Variants in PRMT8 observed in about 807,000 individuals in gnomAD.
PRMT8 encodes the protein protein arginine methyltransferase 8, also known as protein arginine N-methyltransferase 8.
A neutral mutation model predicts 47.1 loss-of-function variants in PRMT8; 7 were observed. The ratio of observed to expected loss-of-function variants is 0.15; its 90% confidence interval spans 0.08 to 0.28. The LOEUF is 0.28. Ranked by LOEUF, PRMT8 falls within the 10% of genes least tolerant of loss-of-function variation. The pLI, the probability that PRMT8 is intolerant of heterozygous loss-of-function variation, is 1.00. For missense variants in PRMT8, 237 were observed against 505.4 expected (o/e 0.47, Z 5.09); for synonymous variants, 188 against 186.5 (o/e 1.01, Z -0.07).
chr12:3,517,759 T>C (rs1283546670), intron 1 of PRMT8, among the ~76,000 whole-genome samples: 1 of 151,542 alleles, frequency 6.6e-6, no homozygotes, highest in Non-Finnish European at 1.5e-5. Context: ...CTTCTAACAT[T>C]CTCCCAGATA....
intron 1 of PRMT8, among the ~76,000 whole-genome samples, chr12:3,386,914 T>C (rs1300525982): frequency 6.6e-6 from 1 of 151,986 alleles, no homozygotes; most frequent in African/African-American, 2.4e-5. Context: ...TTCACCATGT[T>C]GGTCAGGCTG....
At chr12:3,533,694 G>A (rs1866071534) in intron 1 of PRMT8, among the ~76,000 whole-genome samples, 1 of 152,218 alleles carries the variant, frequency 6.6e-6, no homozygotes, top group East Asian at 1.9e-4. Flanking sequence ...TAAGACAGGG[G>A]TGCAGGAGAG....
At chr12:3,452,490 G>C (rs920839646) in intron 1 of PRMT8, among the ~76,000 whole-genome samples, 1 of 152,060 alleles carries the variant, frequency 6.6e-6, no homozygotes, top group Non-Finnish European at 1.5e-5. Flanking sequence ...TGTCCTAAGC[G>C]GTCTCCTCGG....
At chr12:3,475,867 G>A (rs1380877012) in intron 1 of PRMT8, among the ~76,000 whole-genome samples, 2 of 152,214 alleles carry the variant, frequency 1.3e-5, no homozygotes, top group Non-Finnish European at 2.9e-5. Flanking sequence ...CATCCTGTGG[G>A]TGTATGATGT....
intron 1 of PRMT8, among the ~76,000 whole-genome samples, chr12:3,482,153 A>G (rs1865280834): frequency 1.3e-5 from 2 of 152,234 alleles, no homozygotes. Flanking sequence ...TTTATGGGCC[A>G]GGAGGAAAAG....
At chr12:3,381,466 TCTTTC>T (rs1322146001) in intron 1 of PRMT8, 1 of 1,535,192 alleles carries the variant, frequency 6.5e-7, no homozygotes, top group East Asian at 2.4e-5. Context: ...TATGGTAATT[TCTTTC>T]CTTTCTTCTT....
rs77750317 is a variant in PRMT8 at position 3,440,688 on chromosome 12, T to C, written c.48+59246T>C. ...CTGCCAATGCTCCATTACATTGTAT[T>C]ATTTAGTTTGAACCAAAGAAACTCT... On this transcript the variant is annotated intron_variant, in intron 1 of 9. Coordinates refer to the PRMT8 transcript ENST00000452611. Among the ~76,000 whole-genome samples the C allele has an allele frequency of 7.5e-3, 1,144 of 152,274 alleles. 20 individuals carry two copies. The highest frequency in any genetic ancestry group is 0.026 in the African/African-American group (1,098 of 41,534).
rs540325076 is a variant in PRMT8, at chr12:3,475,737, C to T, written c.49-64869C>T. 1.8e-4 allele frequency among the ~76,000 whole-genome samples: 21 copies of T among 115,368 alleles called. No homozygotes were observed. The East Asian group carries it at 5.1e-3, about 28-fold the overall frequency. The allele number at this position is 115,368 out of a possible 152,430, so 75.7% of individuals were successfully genotyped here. On this transcript the variant is annotated intron_variant, in intron 1 of 9. Transcript: ENST00000452611. ...CTGAGCAGGGCCTCCCTTCCAGTACCGTGGGGTGTGGAGGGGGAGGGTTGG... is the reference window on the plus strand; with the variant it reads ...CTGAGCAGGGCCTCCCTTCCAGTACTGTGGGGTGTGGAGGGGGAGGGTTGG...
chr12:3,580,331 CGT>C lies in PRMT8; in HGVS notation c.829-2723_829-2722del, dbSNP rs1422830381. ...TGGAATTCCTGCCAGATGGGGGGTG[CGT>C]GTGCGTGTGTGTGTGTGTGTGTGTG... On this transcript the variant is annotated intron_variant, in intron 7 of 9. Transcript: ENST00000382622. This position sits in a 1 kb window ranked among gnomAD's most constrained non-coding sequence, Gnocchi z 4.6. Among the ~76,000 whole-genome samples, 1 of 110,168 alleles carries C rather than the reference CGT, an allele frequency of 9.1e-6. No individual in the cohort carries two copies. Among genetic ancestry groups the C allele is most frequent in the South Asian group, 2.6e-4 (1 of 3,862 alleles). The allele number at this position is 110,168 out of a possible 152,430, so 72.3% of individuals were successfully genotyped here. A position where few individuals can be genotyped will look rare whatever the true frequency, so the allele number is the denominator to read the frequency against.
At chr12:3,394,943 A>G (rs1360632287) in intron 1 of PRMT8, among the ~76,000 whole-genome samples, 4 of 151,420 alleles carry the variant, frequency 2.6e-5, no homozygotes, top group Admixed American at 6.6e-5. Flanking sequence ...GTCTTGGGAG[A>G]GTGTATGTGT....
At position 3,574,349 on chromosome 12, in the gene PRMT8, A is replaced by G. The variant is rs1866902080; in HGVS notation, c.713-2522A>G. ...CAAATGGTTGGAATTGTCTGTATAG[A>G]TTTGTAAAACTCCAGCTCCCTGGCT... is the stretch of plus-strand genomic sequence containing the variant. On this transcript the variant is annotated intron_variant, in intron 6 of 9. Transcript: ENST00000382622. Among the ~76,000 whole-genome samples the G allele has an allele frequency of 2.0e-5, 3 of 152,370 alleles. No individual in the cohort carries two copies. In the South Asian group the frequency reaches 6.2e-4, roughly 32 times the overall value.
rs138221845 is a variant in PRMT8 at position 3,588,974 on chromosome 12, G to A, written c.980-3257G>A. ...TTCCTGAGCGCCCACCCTTGTGCAC[G>A]GTGACATTCTGGATGTTTTCCAAGA... On this transcript the variant is annotated intron_variant, in intron 8 of 9. Coordinates refer to ENST00000382622, the MANE Select transcript of PRMT8 (RefSeq NM_019854.5). Among the ~76,000 whole-genome samples, 4 of 152,288 alleles carry A rather than the reference G, an allele frequency of 2.6e-5. No homozygotes were observed. In the East Asian group the frequency reaches 7.7e-4, roughly 29 times the overall value.
rs898728301 is a variant in PRMT8 at position 3,583,860 on chromosome 12, C to T, written c.979+652C>T. On this transcript the variant is annotated intron_variant, in intron 8 of 9. Coordinates refer to ENST00000382622, the MANE Select transcript of PRMT8 (RefSeq NM_019854.5). The surrounding 1 kb of genome is among the most constrained non-coding windows in gnomAD (Gnocchi z 4.7). ...CACCCCTCTTGGCCGAGCCCTGTCC[C>T]GTCGCTGCTACCCCACAGGTGGCCC... is the stretch of plus-strand genomic sequence containing the variant. Among the ~76,000 whole-genome samples the T allele has an allele frequency of 1.3e-5, 2 of 152,348 alleles. No homozygotes were observed. The highest frequency in any genetic ancestry group is 2.4e-5 in the African/African-American group (1 of 41,590).
chr12:3,583,454 G>A lies in PRMT8; in HGVS notation c.979+246G>A, dbSNP rs868805981. On this transcript the variant is annotated intron_variant, in intron 8 of 9. Coordinates refer to ENST00000382622, the MANE Select transcript of PRMT8 (RefSeq NM_019854.5). This position sits in a 1 kb window ranked among gnomAD's most constrained non-coding sequence, Gnocchi z 4.7. ...AGTGTGTTGGATGAGGGAGAGGCAG[G>A]AGGTAGGGCTCATGGAGGGGCCCCA... Among the ~76,000 whole-genome samples the A allele has an allele frequency of 4.1e-4, 63 of 152,318 alleles. No homozygotes were observed. Among genetic ancestry groups the A allele is most frequent in the Admixed American group, 3.3e-4 (5 of 15,308 alleles).
intron 2 of PRMT8, among the ~76,000 whole-genome samples, chr12:3,547,418 C>T (rs1342176068): frequency 1.3e-5 from 2 of 151,058 alleles, no homozygotes; most frequent in African/African-American, 2.4e-5. Context: ...AATACAAGGT[C>T]ATGTATACAC....
intron 1 of PRMT8, among the ~76,000 whole-genome samples, chr12:3,428,584 C>T (rs1864632967): frequency 6.6e-6 from 1 of 152,214 alleles, no homozygotes; most frequent in East Asian, 1.9e-4. Context: ...ACGGAGAAGA[C>T]CTTCAATGAT....
At chr12:3,505,157 GTCT>G (rs1181756239) in intron 1 of PRMT8, among the ~76,000 whole-genome samples, 1 of 151,196 alleles carries the variant, frequency 6.6e-6, no homozygotes, top group Non-Finnish European at 1.5e-5. Flanking sequence ...GAAATCACCC[GTCT>G]TCTGCGTTGC....
Position 3,552,594 on chromosome 12 carries a change from A to G in PRMT8, c.418-1057A>G. 2.6e-6 allele frequency: 1 copy of G among 382,920 alleles called. No homozygotes were observed. Among genetic ancestry groups the G allele is most frequent in the Non-Finnish European group, 5.3e-6 (1 of 189,408 alleles). The allele number at this position is 382,920 out of a possible 1,614,324, so 23.7% of individuals were successfully genotyped here. A position where few individuals can be genotyped will look rare whatever the true frequency, so the allele number is the denominator to read the frequency against. ...CCACAGACAGTGCAGCCTGAAGGCC[A>G]GGGACCTGGCAGCCCAGGAAAGGGC... On this transcript the variant is annotated intron_variant, in intron 3 of 9. Coordinates refer to ENST00000382622, the MANE Select transcript of PRMT8 (RefSeq NM_019854.5). The surrounding 1 kb of genome is among the most constrained non-coding windows in gnomAD (Gnocchi z 4.5).
intron 4 of PRMT8, among the ~76,000 whole-genome samples, chr12:3,562,092 C>T (rs1208252068): frequency 6.6e-6 from 1 of 152,172 alleles, no homozygotes; most frequent in African/African-American, 2.4e-5. Flanking sequence ...CTCCAGCACA[C>T]CACTGTATAA....
Sources: gnomAD v4.1 joint callset for allele counts (sites outside exome capture counted in the v4.1 genomes callset) on GRCh38, gnomAD v4.1.1 for gene constraint, Gnocchi (gnomAD v3.1) non-coding constraint, MANE v1.5 for transcripts, NCBI Gene and HGNC (gene_info 2026-07-23, HGNC 2026-07-21) for gene names.